RBMS3: variants seen among roughly 807,000 people sequenced by gnomAD.
RBMS3 encodes RNA binding motif single stranded interacting protein 3, also known as RNA-binding motif, single-stranded-interacting protein 3.
A neutral mutation model predicts 66.8 loss-of-function variants in RBMS3; 27 were observed. That is an observed-to-expected ratio of 0.40 (90% CI 0.30 to 0.56). RBMS3 has a LOEUF of 0.56. Ranked by LOEUF, RBMS3 falls within the 20% of genes least tolerant of loss-of-function variation. The pLI is 0.40. For missense variants in RBMS3, 513 were observed against 549.5 expected (o/e 0.93, Z 0.66); for synonymous variants, 188 against 183.0 (o/e 1.03, Z -0.22).
intron 4 of RBMS3, among the ~76,000 whole-genome samples, chr3:29,626,109 C>T (rs2049052932): frequency 6.6e-6 from 1 of 152,140 alleles, no homozygotes. Context: ...AAGAATGGCT[C>T]TCAGGAAGCT....
intron 11 of RBMS3, among the ~76,000 whole-genome samples, chr3:29,939,424 T>C (rs1450035552): frequency 6.6e-6 from 1 of 151,946 alleles, no homozygotes; most frequent in Non-Finnish European, 1.5e-5. Context: ...GCCTGAAATA[T>C]GGATGCCTTG....
intron 3 of RBMS3, among the ~76,000 whole-genome samples, chr3:29,570,948 A>G (rs975550087): frequency 1.4e-5 from 2 of 141,280 alleles, no homozygotes; most frequent in Non-Finnish European, 3.0e-5. Context: ...CCAACAGTAT[A>G]CAAGGGTTGG....
At chr3:29,532,914 A>T (rs958250103) in intron 3 of RBMS3, among the ~76,000 whole-genome samples, 1 of 152,180 alleles carries the variant, frequency 6.6e-6, no homozygotes, top group Admixed American at 6.5e-5. Context: ...TTTTGAATGA[A>T]TTAAGCCACT....
At position 29,873,391 on chromosome 3, in the gene RBMS3, G is replaced by T. The variant is rs1388955497; in HGVS notation, c.744+4427G>T. Among the ~76,000 whole-genome samples, 3 of 152,070 alleles carry T rather than the reference G, an allele frequency of 2.0e-5. No individual in the cohort carries two copies. The East Asian group carries it at 5.8e-4, about 29-fold the overall frequency. On this transcript the variant is annotated intron_variant, in intron 7 of 14. Transcript: ENST00000383767. ...CCTTCCTGATTTGGCTCTCGACTTG[G>T]CTGCAGTTGGTCTATAGGAATGCTA...
intron 4 of RBMS3, among the ~76,000 whole-genome samples, chr3:29,728,444 A>G (rs1412885418): frequency 6.6e-6 from 1 of 152,204 alleles, no homozygotes; most frequent in Non-Finnish European, 1.5e-5. Flanking sequence ...TTCTTTTAAA[A>G]TAAAAAAATA....
At chr3:29,482,680 T>TACC (rs2043167108) in intron 2 of RBMS3, among the ~76,000 whole-genome samples, 1 of 148,250 alleles carries the variant, frequency 6.7e-6, no homozygotes, top group African/African-American at 2.5e-5. Context: ...GTACACAGTC[T>TACC]ACCATTTTCT....
intron 4 of RBMS3, among the ~76,000 whole-genome samples, chr3:29,680,817 A>G (rs553169555): frequency 6.6e-6 from 1 of 152,306 alleles, no homozygotes; most frequent in East Asian, 1.9e-4. Flanking sequence ...TATATCATCA[A>G]CTAGAGTTCA....
In RBMS3 at chr3:29,488,505, T is replaced by C. The variant is rs769608336; in HGVS notation, c.307+6T>C. 55 of 1,608,508 alleles carry C rather than the reference T, an allele frequency of 3.4e-5. No homozygotes were observed. The highest frequency in any genetic ancestry group is 4.6e-5 in the Non-Finnish European group (54 of 1,175,368). ...AAACACAAATCAGTGCAAAGGTATG[T>C]GTAAGGGCATCCGTACCCTGAAATC... On this transcript the variant is annotated splice_donor_region_variant and intron_variant, in intron 3 of 14. Coordinates refer to ENST00000383767, the MANE Select transcript of RBMS3 (RefSeq NM_001003793.3).
intron 4 of RBMS3, among the ~76,000 whole-genome samples, chr3:29,673,543 T>C (rs750841141): frequency 2.7e-4 from 41 of 151,074 alleles, no homozygotes; most frequent in Admixed American, 8.6e-4. Flanking sequence ...AAGAATCATA[T>C]AGACGCAATA....
At chr3:29,846,653 A>C (rs986016300) in intron 6 of RBMS3, among the ~76,000 whole-genome samples, 1 of 152,212 alleles carries the variant, frequency 6.6e-6, no homozygotes, top group Non-Finnish European at 1.5e-5. Context: ...GCTGCAAGAA[A>C]GTTTAAAGCA....
At chr3:29,762,577 C>T (rs979178893) in intron 5 of RBMS3, among the ~76,000 whole-genome samples, 1 of 152,130 alleles carries the variant, frequency 6.6e-6, no homozygotes, top group Non-Finnish European at 1.5e-5. Flanking sequence ...ATCAGGTTTG[C>T]TAATTCATCA....
intron 12 of RBMS3, among the ~76,000 whole-genome samples, chr3:29,962,637 A>G (rs1250520785): frequency 6.6e-6 from 1 of 151,174 alleles, no homozygotes; most frequent in Non-Finnish European, 1.5e-5. Flanking sequence ...GGCAGTAACT[A>G]AATTGGCCCT....
rs558731623 is a variant in RBMS3 at position 29,597,008 on chromosome 3, CCTT to C, written c.399+9806_399+9808del. ...CTCACAAACAATGGTTCAATTTAATCCTTCTAACTATTGACTGGTGGAATGGGA... is the reference window on the plus strand; with the variant it reads ...CTCACAAACAATGGTTCAATTTAATCCTAACTATTGACTGGTGGAATGGGA... On this transcript the variant is annotated intron_variant, in intron 4 of 14. Coordinates refer to ENST00000383767, the MANE Select transcript of RBMS3 (RefSeq NM_001003793.3). Among the ~76,000 whole-genome samples the C allele has an allele frequency of 4.1e-3, 627 of 152,186 alleles. 2 individuals are homozygous for C. Among genetic ancestry groups the C allele is most frequent in the Non-Finnish European group, 6.0e-3 (407 of 67,996 alleles).
intron 8 of RBMS3, among the ~76,000 whole-genome samples, chr3:29,896,565 A>G (rs2060127597): frequency 6.6e-6 from 1 of 151,566 alleles, no homozygotes; most frequent in Admixed American, 6.6e-5. Context: ...GGGGAAACAC[A>G]ATTTAAATTC....
chr3:29,593,785 A>G (rs902220530), intron 4 of RBMS3, among the ~76,000 whole-genome samples: 5 of 152,228 alleles, frequency 3.3e-5, no homozygotes, highest in African/African-American at 9.6e-5. Context: ...ATTGTTCTAC[A>G]TGCTACAGAC....
intron 9 of RBMS3, among the ~76,000 whole-genome samples, chr3:29,898,276 G>A (rs913242547): frequency 7.3e-5 from 11 of 151,644 alleles, no homozygotes; most frequent in Non-Finnish European, 1.6e-4. Context: ...GCTGCACGTA[G>A]AAAGTGTCTA....
intron 5 of RBMS3, among the ~76,000 whole-genome samples, chr3:29,740,779 C>T (rs111927324): frequency 0.038 from 5,836 of 152,188 alleles, 380 homozygotes; most frequent in African/African-American, 0.13. Context: ...GGGTGGCTGA[C>T]GCCTGTAATC....
At chr3:29,605,286 TA>T (rs2048285977) in intron 4 of RBMS3, among the ~76,000 whole-genome samples, 1 of 151,776 alleles carries the variant, frequency 6.6e-6, no homozygotes, top group African/African-American at 2.4e-5. Flanking sequence ...GACTGGCTAG[TA>T]AAAAGGTCAA....
At chr3:29,393,981 G>A (rs1303400233) in intron 1 of RBMS3, among the ~76,000 whole-genome samples, 1 of 152,188 alleles carries the variant, frequency 6.6e-6, no homozygotes, top group Admixed American at 6.5e-5. Context: ...CACTGGGCAT[G>A]CATTGTCATT....
Sources: allele counts gnomAD v4.1 joint callset (sites outside exome capture counted in the v4.1 genomes callset), GRCh38; gene constraint gnomAD v4.1.1; transcripts MANE v1.5; gene names NCBI Gene and HGNC (gene_info 2026-07-23, HGNC 2026-07-21).